FAM120C: variants seen among roughly 807,000 people sequenced by gnomAD.
FAM120C encodes family with sequence similarity 120 member C, also known as constitutive coactivator of PPAR-gamma-like protein 2.
FAM120C carries 14 observed loss-of-function variants against 71.2 expected under a neutral mutation model. The observed-to-expected ratio is 0.20, with a 90% confidence interval of 0.13 to 0.31. FAM120C has a LOEUF of 0.31. FAM120C is among the 10% of genes least tolerant of loss of function. The pLI is 1.00. For missense variants in FAM120C, 500 were observed against 879.0 expected (o/e 0.57, Z 5.45); for synonymous variants, 354 against 353.2 (o/e 1.00, Z -0.03).
chrX:54,098,041 CTTTT>C (rs782139749), intron 10 of FAM120C, among the ~76,000 whole-genome samples: 1 of 73,348 alleles, frequency 1.4e-5, no homozygotes. Context: ...TTTTATATTA[CTTTT>C]TTTTTTTTTT....
chrX:54,133,451 G>C (rs2067078593), intron 8 of FAM120C, among the ~76,000 whole-genome samples: 1 of 112,714 alleles, frequency 8.9e-6, no homozygotes, highest in South Asian at 3.6e-4. Flanking sequence ...CAGCTTTGTG[G>C]AAGTAGAAAA....
chrX:54,113,650 G>A (rs943920923), intron 10 of FAM120C, among the ~76,000 whole-genome samples: 3 of 109,498 alleles, frequency 2.7e-5, no homozygotes, highest in Non-Finnish European at 5.7e-5. Flanking sequence ...GGTGGCTCAC[G>A]CCTGTAATCC....
At chrX:54,116,831 G>T in intron 9 of FAM120C, 37 bp from the exon 10 acceptor site, 1 of 1,191,932 alleles carries the variant, frequency 8.4e-7, no homozygotes, top group Non-Finnish European at 1.1e-6. Context: ...AGGCTCTAGA[G>T]AATCTCTCAG....
At chrX:54,111,544 CAA>C (rs58694740) in intron 10 of FAM120C, among the ~76,000 whole-genome samples, 13 of 101,537 alleles carry the variant, frequency 1.3e-4, no homozygotes, top group Admixed American at 1.1e-4. Flanking sequence ...ACAATAGCTA[CAA>C]AAAAAAAAAC....
At chrX:54,162,434 GAC>G (rs782300462) in intron 1 of FAM120C, among the ~76,000 whole-genome samples, 2 of 111,659 alleles carry the variant, frequency 1.8e-5, no homozygotes, top group East Asian at 5.7e-4. Context: ...AGAGACAGAT[GAC>G]ACAGTCACAG....
At chrX:54,144,641 A>C (rs1304550321) in intron 4 of FAM120C, among the ~76,000 whole-genome samples, 1 of 111,894 alleles carries the variant, frequency 8.9e-6, no homozygotes, top group African/African-American at 3.2e-5. Context: ...GAGAACTACA[A>C]ACCACTGCTC....
intron 9 of FAM120C, among the ~76,000 whole-genome samples, chrX:54,129,865 T>C (rs2067054553): frequency 9.0e-6 from 1 of 110,501 alleles, no homozygotes; most frequent in African/African-American, 3.3e-5. Context: ...CAAAAAAATA[T>C]GAAAACCAGT....
chrX:54,147,624 A>C (rs1474781943), intron 4 of FAM120C: 3 of 121,852 alleles, frequency 2.5e-5, no homozygotes, highest in African/African-American at 9.5e-5. Flanking sequence ...ACAAAAACCC[A>C]AAGGGGCAGC....
intron 10 of FAM120C, among the ~76,000 whole-genome samples, chrX:54,108,404 G>C (rs1788392709): frequency 9.0e-6 from 1 of 110,662 alleles, no homozygotes; most frequent in African/African-American, 3.3e-5. Flanking sequence ...ATCCCAACAA[G>C]ATTTTGGTGG....
At chrX:54,129,104 A>AC (rs1191705625) in intron 9 of FAM120C, among the ~76,000 whole-genome samples, 2 of 96,133 alleles carry the variant, frequency 2.1e-5, no homozygotes, top group Non-Finnish European at 4.1e-5. Flanking sequence ...CAGGGGGCTG[A>AC]CCCCCCACCT....
chrX:54,133,262 C>T (rs2067077334), intron 8 of FAM120C, among the ~76,000 whole-genome samples: 1 of 111,640 alleles, frequency 9.0e-6, no homozygotes, highest in African/African-American at 3.3e-5. Context: ...ATTGCTTGAA[C>T]CTCGGAGGCA....
chrX:54,146,743 A>G (rs2067158479), intron 4 of FAM120C, among the ~76,000 whole-genome samples: 1 of 112,034 alleles, frequency 8.9e-6, no homozygotes, highest in Non-Finnish European at 1.9e-5. Flanking sequence ...ACTTATTATA[A>G]AGCTACAGTA....
intron 10 of FAM120C, among the ~76,000 whole-genome samples, chrX:54,094,924 C>A: frequency 9.9e-6 from 1 of 100,719 alleles, no homozygotes; most frequent in Non-Finnish European, 2.0e-5. Flanking sequence ...AAAAAAATTA[C>A]TCATGGCTCA....
intron 6 of FAM120C, 114 bp from the exon 7 acceptor site, chrX:54,135,225 A>G (rs906584807): frequency 1.2e-5 from 9 of 728,994 alleles, no homozygotes; most frequent in African/African-American, 6.5e-5. Context: ...GTTGAGATAC[A>G]AAGCACCTAA....
At chrX:54,103,681 T>C (rs1294552081) in intron 10 of FAM120C, among the ~76,000 whole-genome samples, 1 of 111,786 alleles carries the variant, frequency 8.9e-6, no homozygotes, top group African/African-American at 3.2e-5. Flanking sequence ...GAGCTGTCAA[T>C]TTTTGTGATA....
intron 4 of FAM120C, among the ~76,000 whole-genome samples, chrX:54,143,392 A>G (rs1198762855): frequency 3.6e-5 from 4 of 110,509 alleles, no homozygotes; most frequent in Non-Finnish European, 5.7e-5. Flanking sequence ...TTTTTTGAAA[A>G]GATCAACAAA....
rs1557137858 is a variant in FAM120C at position 54,183,074 on chromosome X, T to C, written c.125A>G (p.Gln42Arg). 1 of 1,157,056 alleles carries C rather than the reference T, an allele frequency of 8.6e-7. No individual in the cohort carries two copies. The highest frequency in any genetic ancestry group is 2.6e-5 in the Admixed American group (1 of 38,676). ...CGCTAGGGCTGCAGTCGGCGGCAGC[T>C]GGCGGTGCAAGTGCTGCTGCTGCTG... ...RQQQQQHLHR[Q>R]LPPTAALAPG... Residue 42 changes from glutamine (Q) to arginine (R), a missense_variant, in exon 1 of 16, where the codon CAG becomes CGG. Gln to Arg is a conservative substitution (Grantham distance 43). Around this residue, in one of 11 missense-constraint regions of FAM120C, gnomAD observed 79 missense variants for 78.3 expected, o/e 1.01. Transcript: ENST00000375180.
Position 54,182,656 on chromosome X carries a change from G to C in FAM120C, c.543C>G (p.Ala181=). The change falls in exon 1 of 16, where the codon GCC becomes GCG. Residue 181 remains alanine, a synonymous_variant. Coordinates refer to ENST00000375180, the MANE Select transcript of FAM120C (RefSeq NM_017848.6). The part of the protein sequence containing the change: ...FPGGLGKDRL[A]EWGRRCQAER... ...CGGCCTGGCACCGACGGCCCCACTC[G>C]GCCAGCCGGTCCTTGCCCAGGCCCC... The C allele has an allele frequency of 8.3e-7, 1 of 1,207,984 alleles. No homozygotes were observed. Among genetic ancestry groups the C allele is most frequent in the Non-Finnish European group, 1.1e-6 (1 of 894,308 alleles).
chrX:54,135,683 C>G, intron 5 of FAM120C, 79 bp from the exon 6 acceptor site: 1 of 761,784 alleles, frequency 1.3e-6, no homozygotes, highest in Non-Finnish European at 1.9e-6. Flanking sequence ...CCCATATCAC[C>G]TGAAAAAGTG....
Sources: allele counts gnomAD v4.1 joint callset (sites outside exome capture counted in the v4.1 genomes callset), GRCh38; gene constraint gnomAD v4.1.1; regional missense constraint gnomAD v4.1.1; transcripts MANE v1.5; gene names NCBI Gene and HGNC (gene_info 2026-07-23, HGNC 2026-07-21).